The following BRAP variants were observed in gnomAD, a reference collection of about 807,000 sequenced individuals.
BRAP encodes the protein BRCA1-associated protein.
BRAP carries 42 observed loss-of-function variants against 73.4 expected under a neutral mutation model. That is an observed-to-expected ratio of 0.57 (90% CI 0.45 to 0.74). The LOEUF is 0.74. BRAP is among the 30% of genes least tolerant of loss of function. The pLI, the probability that BRAP is intolerant of heterozygous loss-of-function variation, is 0.00. For missense variants in BRAP, 593 were observed against 751.4 expected (o/e 0.79, Z 2.46); for synonymous variants, 255 against 267.4 (o/e 0.95, Z 0.45).
At chr12:111,658,111 G>T (rs1294824049) in intron 9 of BRAP, among the ~76,000 whole-genome samples, 3 of 151,260 alleles carry the variant, frequency 2.0e-5, no homozygotes, top group Non-Finnish European at 4.4e-5. Flanking sequence ...GCTAATTTTA[G>T]TAGGGACAGG....
intron 6 of BRAP, among the ~76,000 whole-genome samples, chr12:111,662,044 A>G (rs1382695539): frequency 1.3e-5 from 2 of 152,242 alleles, no homozygotes; most frequent in East Asian, 3.8e-4. Flanking sequence ...ATCATGTGGA[A>G]GATACCAGTG....
chr12:111,668,620 T>G (rs1186054849), intron 5 of BRAP, among the ~76,000 whole-genome samples: 5 of 152,116 alleles, frequency 3.3e-5, no homozygotes, highest in Non-Finnish European at 7.4e-5. Context: ...TTTCAAATAT[T>G]CAACAGTTTA....
At chr12:111,657,664 G>T (rs1334579475) in intron 9 of BRAP, among the ~76,000 whole-genome samples, 3 of 152,114 alleles carry the variant, frequency 2.0e-5, no homozygotes, top group Admixed American at 6.5e-5. Context: ...CGGACCACGA[G>T]GTCAGGAGAT....
At chr12:111,660,578 T>C (rs1170309684) in intron 7 of BRAP, 22 bp downstream of exon 7, 7 of 1,582,822 alleles carry the variant, frequency 4.4e-6, no homozygotes, top group Middle Eastern at 1.7e-4. Context: ...TTCTTTGTTC[T>C]TTTCCATCAC....
At chr12:111,668,808 C>A (rs1348154053) in intron 5 of BRAP, among the ~76,000 whole-genome samples, 1 of 152,084 alleles carries the variant, frequency 6.6e-6, no homozygotes, top group Admixed American at 6.6e-5. Flanking sequence ...AGGTGCCCAC[C>A]ACAACGCCTA....
chr12:111,683,665 C>A (rs967652499), intron 1 of BRAP, among the ~76,000 whole-genome samples: 1 of 152,148 alleles, frequency 6.6e-6, no homozygotes. Context: ...CCCAGCCTCC[C>A]GAGTAGCTGG....
chr12:111,660,761 T>C (rs1886718457), intron 6 of BRAP, 86 bp from the exon 7 acceptor site: 1 of 1,067,722 alleles, frequency 9.4e-7, no homozygotes. Context: ...CTGGATTTTA[T>C]ATCCTCCTCC....
intron 1 of BRAP, 118 bp from the exon 2 acceptor site, chr12:111,683,425 G>C (rs1887680431): frequency 8.4e-7 from 1 of 1,191,850 alleles, no homozygotes; most frequent in Non-Finnish European, 1.2e-6. Flanking sequence ...ATGATAAGAA[G>C]CCTTTGTAGT....
intron 1 of BRAP, among the ~76,000 whole-genome samples, chr12:111,684,162 G>A (rs1000918031): frequency 6.6e-6 from 1 of 152,120 alleles, no homozygotes; most frequent in Non-Finnish European, 1.5e-5. Context: ...GCTCTGTCAG[G>A]GCAGGGACAA....
intron 10 of BRAP, among the ~76,000 whole-genome samples, chr12:111,654,529 T>C (rs2135900951): frequency 6.6e-6 from 1 of 152,344 alleles, no homozygotes; most frequent in East Asian, 1.9e-4. Context: ...TTGGCCAGGC[T>C]GGCCTCAAAC....
At chr12:111,664,278 G>C (rs191749247) in intron 6 of BRAP, among the ~76,000 whole-genome samples, 16 of 152,296 alleles carry the variant, frequency 1.1e-4, no homozygotes, top group Admixed American at 9.2e-4. Flanking sequence ...GAGGCAGTGA[G>C]CTGTGATCAT....
intron 5 of BRAP, chr12:111,669,746 G>GA (rs899443760): frequency 1.7e-3 from 503 of 292,612 alleles, no homozygotes; most frequent in East Asian, 2.9e-3. Context: ...AAATGAAAGA[G>GA]AAAAAAAAAG....
rs998506111 is a variant in BRAP, at chr12:111,679,348, A to C, written c.444-8T>G. ...TTTAAGGAGGTCATCTTACTAACAA[A>C]AAAAAAATTAGAGTGTCTTGAATAG... is the stretch of plus-strand genomic sequence containing the variant. On this transcript the variant is annotated splice_polypyrimidine_tract_variant and splice_region_variant and intron_variant, in intron 3 of 11. Coordinates refer to ENST00000419234, the MANE Select transcript of BRAP (RefSeq NM_006768.5). The C allele has an allele frequency of 3.3e-6, 5 of 1,516,848 alleles. No individual in the cohort carries two copies. The African/African-American group carries it at 4.1e-5, about 13-fold the overall frequency. The allele number at this position is 1,516,848 out of a possible 1,614,324, so 94.0% of individuals were successfully genotyped here. A position where few individuals can be genotyped will look rare whatever the true frequency, so the allele number is the denominator to read the frequency against.
chr12:111,645,486 T>C (rs1886077233), intron 11 of BRAP, among the ~76,000 whole-genome samples: 1 of 152,214 alleles, frequency 6.6e-6, no homozygotes, highest in Admixed American at 6.5e-5. Context: ...AGTGGTTAAA[T>C]AGGTGCCTTC....
At chr12:111,685,135 C>T (rs1467350596) in intron 1 of BRAP, among the ~76,000 whole-genome samples, 1 of 152,192 alleles carries the variant, frequency 6.6e-6, no homozygotes, top group African/African-American at 2.4e-5. Flanking sequence ...TACAGATAAC[C>T]TTGGGCAAAT....
At chr12:111,645,781 G>A (rs1223233719) in intron 11 of BRAP, among the ~76,000 whole-genome samples, 3 of 151,964 alleles carry the variant, frequency 2.0e-5, no homozygotes, top group Non-Finnish European at 4.4e-5. Context: ...AACAGGAAAT[G>A]AGTTCGAGAC....
intron 10 of BRAP, among the ~76,000 whole-genome samples, 187 bp from the exon 11 acceptor site, chr12:111,650,229 AAG>A (rs2135895594): frequency 6.6e-6 from 1 of 152,312 alleles, no homozygotes; most frequent in South Asian, 2.1e-4. Context: ...AATCATTTGA[AAG>A]AATTTCTGTA....
At chr12:111,644,671 C>A in intron 11 of BRAP, 109 bp from the exon 12 acceptor site, 3 of 1,468,720 alleles carry the variant, frequency 2.0e-6, no homozygotes, top group Non-Finnish European at 2.7e-6. Context: ...CCCTTTAGGA[C>A]AGACCCCTTT....
In BRAP at chr12:111,649,602, GAC is replaced by G. The variant is rs374842507; in HGVS notation, c.1415+335_1415+336del. ...CACAGCATAGAACATCTCCAGCTTA[GAC>G]ACAGTCTCGTTCCTAACTGCCAGTT... On this transcript the variant is annotated intron_variant, in intron 11 of 11. Transcript: ENST00000419234. Among the ~76,000 whole-genome samples, 1,086 of 152,330 alleles carry G rather than the reference GAC, an allele frequency of 7.1e-3. 11 individuals carry two copies. Among genetic ancestry groups the G allele is most frequent in the African/African-American group, 0.025 (1,047 of 41,576 alleles).
Sources: gnomAD v4.1 joint callset for allele counts (sites outside exome capture counted in the v4.1 genomes callset) on GRCh38, gnomAD v4.1.1 for gene constraint, MANE v1.5 for transcripts, NCBI Gene and HGNC (gene_info 2026-07-23, HGNC 2026-07-21) for gene names.